PYM1: variants seen among roughly 807,000 people sequenced by gnomAD.
PYM1 encodes PYM1 exon junction complex associated factor.
In PYM1, 7 loss-of-function variants were observed where a neutral mutation model predicts 20.7. The ratio of observed to expected loss-of-function variants is 0.34; its 90% CI spans 0.19 to 0.64. The LOEUF (loss-of-function observed/expected upper bound fraction) is 0.64. PYM1 is among the 30% of genes least tolerant of loss of function. PYM1 has a pLI of 0.74. For missense variants in PYM1, 194 were observed against 250.0 expected (o/e 0.78, Z 1.51); for synonymous variants, 100 against 99.2 (o/e 1.01, Z -0.05).
At chr12:55,911,591 A>G (rs1010406277) in intron 1 of PYM1, among the ~76,000 whole-genome samples, 1 of 152,142 alleles carries the variant, frequency 6.6e-6, no homozygotes, top group East Asian at 1.9e-4. Context: ...CTGTAATCAC[A>G]GCACTTTGGG....
At chr12:55,910,730 C>T (rs1882907760) in intron 1 of PYM1, among the ~76,000 whole-genome samples, 1 of 152,190 alleles carries the variant, frequency 6.6e-6, no homozygotes, top group African/African-American at 2.4e-5. Flanking sequence ...AGGCGTGAGC[C>T]ACCACACCTG....
At chr12:55,910,375 G>A (rs1383377203) in intron 1 of PYM1, among the ~76,000 whole-genome samples, 12 of 151,802 alleles carry the variant, frequency 7.9e-5, no homozygotes, top group Non-Finnish European at 1.5e-4. Context: ...CCGCCTCCCC[G>A]GTTAAAGTGA....
At position 55,914,495 on chromosome 12, in the gene PYM1, G is replaced by A. The variant is rs566270032; in HGVS notation, c.38-11015C>T. The A allele has an allele frequency of 9.6e-5, 60 of 623,144 alleles. 1 individual carries two copies. Among genetic ancestry groups the A allele is most frequent in the South Asian group, 5.6e-4 (30 of 53,830 alleles). The allele number at this position is 623,144 out of a possible 1,614,324, so 38.6% of individuals were successfully genotyped here. ...GCTTTGTCATTTTCTCACATCTGCC[G>A]TTTTTTAATTCTCAATCTATTTCCT... On this transcript the variant is annotated intron_variant, in intron 1 of 2. Coordinates refer to ENST00000408946, the MANE Select transcript of PYM1 (RefSeq NM_032345.3).
intron 1 of PYM1, chr12:55,927,187 G>T: frequency 6.5e-7 from 1 of 1,544,640 alleles, no homozygotes; most frequent in Non-Finnish European, 8.8e-7. Context: ...AGTCCCGATC[G>T]TAGCAAGCCA....
Position 55,907,134 on chromosome 12 carries a change from CTTATT to C in PYM1, c.38-3659_38-3655del, listed in dbSNP as rs565198517. Among the ~76,000 whole-genome samples, 680 of 151,094 alleles carry C rather than the reference CTTATT, an allele frequency of 4.5e-3. 3 individuals carry two copies. Among genetic ancestry groups the C allele is most frequent in the African/African-American group, 0.016 (652 of 41,092 alleles). On this transcript the variant is annotated intron_variant, in intron 1 of 2. Coordinates refer to ENST00000408946, the MANE Select transcript of PYM1 (RefSeq NM_032345.3). The stretch of plus-strand genomic sequence containing the variant: ...TATATATATGTTTTGTTGTAGCTCT[CTTATT>C]TTAAGTATTACTTTTGTAAAAATAA...
chr12:55,917,604 T>C (rs528507433), intron 1 of PYM1, among the ~76,000 whole-genome samples: 2 of 152,222 alleles, frequency 1.3e-5, no homozygotes, highest in South Asian at 4.1e-4. Flanking sequence ...CACTGGGTAC[T>C]CACGGACATA....
At chr12:55,904,620 G>T (rs775241990) in intron 1 of PYM1, among the ~76,000 whole-genome samples, 308 of 113,414 alleles carry the variant, frequency 2.7e-3, no homozygotes, top group Non-Finnish European at 4.5e-3. Flanking sequence ...AAAAAAAAAA[G>T]AAAAAAAATT....
chr12:55,914,219 G>C, intron 1 of PYM1: 1 of 687,158 alleles, frequency 1.5e-6, no homozygotes, highest in Non-Finnish European at 2.7e-6. Flanking sequence ...TTCTTGAATG[G>C]CCATCCTGTG....
In PYM1 at chr12:55,920,701, C is replaced by G. The variant is rs544451749; in HGVS notation, c.37+7024G>C. Among the ~76,000 whole-genome samples the G allele has an allele frequency of 3.3e-5, 5 of 149,968 alleles. No individual in the cohort carries two copies. The South Asian group carries it at 1.1e-3, about 32-fold the overall frequency. On this transcript the variant is annotated intron_variant, in intron 1 of 2. Transcript: ENST00000408946. ...CTAAATGCCGAAAAAGATGCATGCA[C>G]AAAAACATTCTAGTGTTCTTATAAT... is the stretch of plus-strand genomic sequence containing the variant.
At chr12:55,910,219 C>T (rs909323389) in intron 1 of PYM1, among the ~76,000 whole-genome samples, 8 of 150,888 alleles carry the variant, frequency 5.3e-5, no homozygotes, top group African/African-American at 1.7e-4. Flanking sequence ...AGAACATGTG[C>T]CCTAGGTGCT....
chr12:55,907,463 C>CAAAAAAAA (rs770960966), intron 1 of PYM1, among the ~76,000 whole-genome samples: 20 of 51,788 alleles, frequency 3.9e-4, no homozygotes, highest in East Asian at 1.7e-3. Flanking sequence ...TACATAAATA[C>CAAAAAAAA]AAAAAAAAAA....
At chr12:55,925,052 A>C (rs1039815574) in intron 1 of PYM1, among the ~76,000 whole-genome samples, 4 of 152,254 alleles carry the variant, frequency 2.6e-5, no homozygotes, top group African/African-American at 9.6e-5. Flanking sequence ...GTTATATTGA[A>C]TCTGATAGCT....
chr12:55,920,330 T>C (rs892954789), intron 1 of PYM1, among the ~76,000 whole-genome samples: 16 of 151,902 alleles, frequency 1.1e-4, no homozygotes, highest in Non-Finnish European at 1.9e-4. Context: ...TAGCAAGACC[T>C]CATCTTACAG....
At chr12:55,909,176 CAAGAATAAAAACCA>C (rs150859045) in intron 1 of PYM1, among the ~76,000 whole-genome samples, 3,142 of 151,940 alleles carry the variant, frequency 0.021, 112 homozygotes, top group African/African-American at 0.071. Context: ...CCAGCTGTGA[CAAGAATAAAAACCA>C]AAGAAAAAAA....
At chr12:55,905,330 G>A (rs890687634) in intron 1 of PYM1, among the ~76,000 whole-genome samples, 6 of 151,636 alleles carry the variant, frequency 4.0e-5, no homozygotes, top group Non-Finnish European at 7.4e-5. Context: ...ATTTAAAAGA[G>A]ATCATATTCA....
At chr12:55,923,990 C>T (rs1403535171) in intron 1 of PYM1, among the ~76,000 whole-genome samples, 1 of 151,670 alleles carries the variant, frequency 6.6e-6, no homozygotes, top group Non-Finnish European at 1.5e-5. Flanking sequence ...GCAGAAGAAT[C>T]ACTTGAACCA....
intron 1 of PYM1, among the ~76,000 whole-genome samples, chr12:55,907,215 G>A (rs1266654066): frequency 6.6e-6 from 1 of 151,842 alleles, no homozygotes; most frequent in Non-Finnish European, 1.5e-5. Context: ...TGTAATCCCA[G>A]CAATTTGGGA....
At chr12:55,905,863 A>ATATATATATTAGATATATATATTAT (rs1882793417) in intron 1 of PYM1, among the ~76,000 whole-genome samples, 4 of 42,068 alleles carry the variant, frequency 9.5e-5, no homozygotes, top group South Asian at 1.1e-3. Flanking sequence ...TATATTAGAT[A>ATATATATATTAGATATATATATTAT]TATATATATC....
Position 55,924,474 on chromosome 12 carries a change from C to T in PYM1, c.37+3251G>A, listed in dbSNP as rs188844373. 1.7e-3 allele frequency among the ~76,000 whole-genome samples: 255 copies of T among 152,042 alleles called. 2 individuals carry two copies. Among genetic ancestry groups the T allele is most frequent in the African/African-American group, 6.0e-3 (249 of 41,470 alleles). On this transcript the variant is annotated intron_variant, in intron 1 of 2. Transcript: ENST00000408946. ...CCTGGGCAACATAGCAAGTCTGCAT[C>T]GCTTCATTTTTAAAAAAAGAAAGAA...
Sources: allele counts gnomAD v4.1 joint callset (sites outside exome capture counted in the v4.1 genomes callset), GRCh38; gene constraint gnomAD v4.1.1; transcripts MANE v1.5; gene names NCBI Gene and HGNC (gene_info 2026-07-23, HGNC 2026-07-21).